DACH2: variants seen among roughly 807,000 people sequenced by gnomAD.
DACH2 encodes dachshund homolog 2.
DACH2 carries 17 observed loss-of-function variants against 35.8 expected under a neutral mutation model. That is an observed-to-expected ratio of 0.48 (90% CI 0.33 to 0.71). The LOEUF is 0.71. Ranked by LOEUF, DACH2 falls within the 30% of genes least tolerant of loss-of-function variation. The pLI, the probability that DACH2 is intolerant of heterozygous loss-of-function variation, is 0.02. For missense variants in DACH2, 469 were observed against 472.7 expected, an observed-to-expected ratio of 0.99 and a Z score of 0.07; for synonymous variants, 195 against 177.3, an observed-to-expected ratio of 1.10 and a Z score of -0.79.
chrX:86,348,227 C>T (rs1230746569), intron 1 of DACH2, among the ~76,000 whole-genome samples: 1 of 111,769 alleles, frequency 8.9e-6, no homozygotes, highest in Non-Finnish European at 1.9e-5. Context: ...CCCTTATCAT[C>T]TCGGACTGTT....
chrX:86,788,618 C>A (rs1458747057), intron 7 of DACH2, among the ~76,000 whole-genome samples: 2 of 111,874 alleles, frequency 1.8e-5, no homozygotes, highest in African/African-American at 3.2e-5. Flanking sequence ...TGATAATAGC[C>A]ACACTTCAAC....
In DACH2 at chrX:86,603,401, A is replaced by G. The variant is rs771287877; in HGVS notation, c.641-47635A>G. Among the ~76,000 whole-genome samples the G allele has an allele frequency of 2.5e-4, 27 of 109,839 alleles. 1 individual carries two copies. The highest frequency in any genetic ancestry group is 9.8e-5 in the Admixed American group (1 of 10,174). On this transcript the variant is annotated intron_variant, in intron 3 of 11. Transcript: ENST00000373125. ...TCTGCCCTTTGCCCTCCCCCAGTTC[A>G]TGTCCTTTTCGCATGCAAAATACAT... is the stretch of plus-strand genomic sequence containing the variant.
At chrX:86,214,617 AT>A (rs1256301087) in intron 1 of DACH2, among the ~76,000 whole-genome samples, 1 of 111,868 alleles carries the variant, frequency 8.9e-6, no homozygotes, top group Non-Finnish European at 1.9e-5. Context: ...AGCTGTCTTT[AT>A]TTTCCTAGAT....
At chrX:86,292,466 A>G (rs2034324914) in intron 1 of DACH2, among the ~76,000 whole-genome samples, 1 of 108,716 alleles carries the variant, frequency 9.2e-6, no homozygotes, top group South Asian at 4.0e-4. Context: ...GCCTTCTGCT[A>G]GCTTTTGAAT....
At position 86,673,712 on chromosome X, in the gene DACH2, G is replaced by A. The variant is rs755750575; in HGVS notation, c.773-21309G>A. On this transcript the variant is annotated intron_variant, in intron 4 of 11. Transcript: ENST00000373125. ...GGCCGGGGGCAGAATGATATGGTTT[G>A]GATTTGTGGCCCTGCCCAAATCTCC... 2.9e-4 allele frequency among the ~76,000 whole-genome samples: 32 copies of A among 111,501 alleles called. No individual in the cohort carries two copies. In the Admixed American group the frequency reaches 3.0e-3, roughly 11 times the overall value.
intron 1 of DACH2, among the ~76,000 whole-genome samples, chrX:86,159,995 T>C (rs191834752): frequency 9.1e-6 from 1 of 109,434 alleles, no homozygotes; most frequent in East Asian, 2.9e-4. Flanking sequence ...TTGTTTCCAT[T>C]AAAAAGTACT....
intron 2 of DACH2, among the ~76,000 whole-genome samples, chrX:86,499,462 G>A (rs146834426): frequency 0.029 from 3,244 of 111,498 alleles, 52 homozygotes; most frequent in Non-Finnish European, 0.049. Flanking sequence ...ACAAGGCATA[G>A]AGGAGGTCAT....
chrX:86,297,143 A>G (rs1268938549), intron 1 of DACH2, among the ~76,000 whole-genome samples: 1 of 107,929 alleles, frequency 9.3e-6, no homozygotes, highest in African/African-American at 3.4e-5. Context: ...CTACTGTATA[A>G]TAGGGTAAGT....
chrX:86,289,336 G>A (rs1204071233), intron 1 of DACH2, among the ~76,000 whole-genome samples: 2 of 107,478 alleles, frequency 1.9e-5, no homozygotes, highest in Non-Finnish European at 3.8e-5. Flanking sequence ...TGCGAGCTGT[G>A]CAGCCTGTGG....
intron 3 of DACH2, among the ~76,000 whole-genome samples, chrX:86,635,296 G>T (rs1246067156): frequency 1.0e-5 from 1 of 98,013 alleles, no homozygotes; most frequent in East Asian, 3.4e-4. Flanking sequence ...ATGCAGAAAA[G>T]GCTTTGGATA....
At chrX:86,232,812 A>G (rs2032977860) in intron 1 of DACH2, among the ~76,000 whole-genome samples, 1 of 112,311 alleles carries the variant, frequency 8.9e-6, no homozygotes, top group Non-Finnish European at 1.9e-5. Context: ...AAGTAGAACT[A>G]TCATTCAACC....
intron 1 of DACH2, among the ~76,000 whole-genome samples, chrX:86,189,715 G>T (rs965740485): frequency 1.8e-5 from 2 of 111,470 alleles, no homozygotes; most frequent in Non-Finnish European, 3.8e-5. Context: ...TAATAAACAA[G>T]ATATTAAAAT....
intron 2 of DACH2, among the ~76,000 whole-genome samples, chrX:86,453,638 C>T (rs1477085699): frequency 1.8e-5 from 2 of 110,881 alleles, no homozygotes; most frequent in African/African-American, 6.6e-5. Context: ...ATTGTAACCC[C>T]TGTTTTTTTC....
intron 2 of DACH2, among the ~76,000 whole-genome samples, chrX:86,428,710 A>G (rs1486385912): frequency 9.0e-6 from 1 of 110,623 alleles, no homozygotes; most frequent in Admixed American, 9.7e-5. Flanking sequence ...ACGCCAGACA[A>G]GACTATACCA....
intron 1 of DACH2, among the ~76,000 whole-genome samples, chrX:86,316,884 C>T (rs149585152): frequency 0.014 from 1,521 of 110,793 alleles, 17 homozygotes; most frequent in African/African-American, 0.043. Context: ...CTTTGGGAGC[C>T]GGAGGCAGGT....
At chrX:86,546,469 A>C (rs7052554) in intron 3 of DACH2, among the ~76,000 whole-genome samples, 18,288 of 55,340 alleles carry the variant, frequency 0.33, 2,294 homozygotes, top group African/African-American at 0.51. Flanking sequence ...TCTACCTCTT[A>C]TTCTTCCTCT....
chrX:86,605,468 C>T (rs908943539), intron 3 of DACH2, among the ~76,000 whole-genome samples: 1 of 110,130 alleles, frequency 9.1e-6, no homozygotes, highest in Admixed American at 9.7e-5. Flanking sequence ...TTTTCATTTG[C>T]ATAGTTTCCT....
chrX:86,604,101 T>C (rs1474316436), intron 3 of DACH2, among the ~76,000 whole-genome samples: 1 of 111,551 alleles, frequency 9.0e-6, no homozygotes, highest in Admixed American at 9.5e-5. Flanking sequence ...AAAAAAAGTA[T>C]ATTCTGCTGC....
intron 2 of DACH2, among the ~76,000 whole-genome samples, chrX:86,488,174 G>A (rs1218408418): frequency 9.0e-6 from 1 of 111,373 alleles, no homozygotes; most frequent in Non-Finnish European, 1.9e-5. Flanking sequence ...TAGTTAAGAT[G>A]GGATGAATGA....
Sources: gnomAD v4.1 joint callset for allele counts (sites outside exome capture counted in the v4.1 genomes callset) on GRCh38, gnomAD v4.1.1 for gene constraint, MANE v1.5 for transcripts, NCBI Gene and HGNC (gene_info 2026-07-23, HGNC 2026-07-21) for gene names.